Variants in STIM1 observed in about 807,000 individuals in gnomAD.
The protein encoded by STIM1 is stromal interaction molecule 1.
In STIM1, 25 loss-of-function variants were observed where a neutral mutation model predicts 74.7. The observed-to-expected ratio is 0.33, with a 90% CI of 0.24 to 0.47. The LOEUF (loss-of-function observed/expected upper bound fraction) is 0.47. Among genes scored for constraint, STIM1 ranks in the 20% least tolerant of loss-of-function variants. The probability of loss-of-function intolerance (pLI) is 1.00; values close to 1 mark genes in which losing one functional copy is unlikely to be tolerated. For synonymous variants in STIM1, 328 were observed against 348.8 expected (o/e 0.94, Z 0.66); for missense variants, 728 against 920.8 (o/e 0.79, Z 2.71).
At chr11:3,979,724 G>A (rs527339947) in intron 2 of STIM1, among the ~76,000 whole-genome samples, 55 of 152,326 alleles carry the variant, frequency 3.6e-4, no homozygotes, top group African/African-American at 1.3e-3. Flanking sequence ...ACAGGTGAGA[G>A]CCACTGCACC....
intron 5 of STIM1, among the ~76,000 whole-genome samples, chr11:4,065,295 T>A (rs1014717051): frequency 3.3e-5 from 5 of 152,164 alleles, no homozygotes; most frequent in African/African-American, 1.2e-4. Flanking sequence ...GCAGGAGTGG[T>A]TGCTTTTCTG....
chr11:3,898,604 G>A (rs2135421425), intron 1 of STIM1, among the ~76,000 whole-genome samples: 1 of 149,084 alleles, frequency 6.7e-6, no homozygotes, highest in East Asian at 2.0e-4. Context: ...CCTATGTCCT[G>A]AATGGTAATG....
At chr11:3,977,466 A>G (rs936996727) in intron 2 of STIM1, among the ~76,000 whole-genome samples, 2 of 152,238 alleles carry the variant, frequency 1.3e-5, no homozygotes, top group Non-Finnish European at 2.9e-5. Flanking sequence ...TGCCTCTTCC[A>G]GCTGTGGAAA....
chr11:4,083,873 T>C (rs1347241696), intron 10 of STIM1, among the ~76,000 whole-genome samples: 1 of 152,240 alleles, frequency 6.6e-6, no homozygotes. Flanking sequence ...TGATTTTTGT[T>C]CCTTATTCTT....
At position 3,909,821 on chromosome 11, in the gene STIM1, A is replaced by G. The variant is rs1365519749; in HGVS notation, c.139+53412A>G. Among the ~76,000 whole-genome samples, 3 of 151,750 alleles carry G rather than the reference A, an allele frequency of 2.0e-5. 1 individual carries two copies. The highest frequency in any genetic ancestry group is 1.5e-5 in the Non-Finnish European group (1 of 67,954). On this transcript the variant is annotated intron_variant, in intron 1 of 12. Transcript: ENST00000526596. ...AAAAAAAAAAAAGAAAAAAAAAGTC[A>G]TCTTGTGGTATTATATGGTCAATAA...
chr11:3,983,781 C>A (rs1156758176), intron 2 of STIM1, among the ~76,000 whole-genome samples: 1 of 152,190 alleles, frequency 6.6e-6, no homozygotes, highest in Non-Finnish European at 1.5e-5. Context: ...CATAACTTTT[C>A]TTTGCATTCC....
chr11:3,936,170 A>G (rs1479124136), intron 1 of STIM1, among the ~76,000 whole-genome samples: 1 of 152,218 alleles, frequency 6.6e-6, no homozygotes, highest in Non-Finnish European at 1.5e-5. Context: ...AGGAAAACTG[A>G]AAGACAGAGA....
intron 2 of STIM1, among the ~76,000 whole-genome samples, chr11:4,010,698 G>C (rs1249162827): frequency 1.3e-5 from 2 of 151,318 alleles, no homozygotes; most frequent in African/African-American, 4.8e-5. Context: ...CTGTTTCTAT[G>C]GGTTCTGCCT....
At chr11:3,915,024 T>C (rs1167378249) in intron 1 of STIM1, among the ~76,000 whole-genome samples, 1 of 152,186 alleles carries the variant, frequency 6.6e-6, no homozygotes, top group Admixed American at 6.5e-5. Flanking sequence ...ATGATGTTGA[T>C]CATCTTCTCA....
At chr11:3,992,291 A>G (rs558177009) in intron 2 of STIM1, among the ~76,000 whole-genome samples, 1 of 151,436 alleles carries the variant, frequency 6.6e-6, no homozygotes, top group Admixed American at 6.6e-5. Context: ...ATGTGTGCCT[A>G]TAATTCCAGC....
chr11:4,076,791 T>C (rs1249276872), intron 7 of STIM1, among the ~76,000 whole-genome samples: 2 of 150,674 alleles, frequency 1.3e-5, no homozygotes, highest in Admixed American at 6.7e-5. Flanking sequence ...TTTTGGGACA[T>C]GGTTATCTAG....
chr11:4,086,610 T>C, intron 12 of STIM1, 67 bp downstream of exon 12: 1 of 1,602,432 alleles, frequency 6.2e-7, no homozygotes, highest in Non-Finnish European at 8.5e-7. Context: ...TGCGCAGCCT[T>C]TCATCTGGAC....
intron 1 of STIM1, among the ~76,000 whole-genome samples, chr11:3,942,097 G>T (rs2093017858): frequency 6.6e-6 from 1 of 152,188 alleles, no homozygotes; most frequent in Non-Finnish European, 1.5e-5. Flanking sequence ...AAGGCAGGAA[G>T]ATCTCATTAG....
At position 3,908,620 on chromosome 11, in the gene STIM1, A is replaced by AAAAAT. The variant is rs1393622902; in HGVS notation, c.139+52215_139+52216insTAAAA. 1.3e-4 allele frequency among the ~76,000 whole-genome samples: 20 copies of AAAAAT among 151,944 alleles called. 3 individuals are homozygous for AAAAAT. Among genetic ancestry groups the AAAAAT allele is most frequent in the African/African-American group, 4.6e-4 (19 of 41,430 alleles). Reference sequence around the variant, plus strand: ...GAGCGAGACTCCATCTCAAAAAAAAAAAAAGTTATTTGCCAAGATTGCATG... The same window carrying AAAAAT: ...GAGCGAGACTCCATCTCAAAAAAAAAAAAATAAAAGTTATTTGCCAAGATTGCATG... On this transcript the variant is annotated intron_variant, in intron 1 of 12. Transcript: ENST00000526596.
chr11:3,994,181 T>C (rs958059976), intron 2 of STIM1, among the ~76,000 whole-genome samples: 11 of 152,220 alleles, frequency 7.2e-5, no homozygotes, highest in Non-Finnish European at 1.6e-4. Flanking sequence ...GATCATGTTA[T>C]CCCATTGTCT....
chr11:4,082,339 G>T lies in STIM1; in HGVS notation c.1125G>T (p.Val375=), dbSNP rs201975335. ...KKQNAEKQLL[V]AKEGAEKIKK... is the part of the protein sequence containing the mutation. ...AAAATGCTGAGAAGCAGCTGCTGGT[G>T]GCCAAGGAGGGGGTGAGAACAGCCC... Residue 375 remains valine (V), a synonymous_variant, in exon 8 of 13, where the codon GTG becomes GTT. Transcript: ENST00000526596. 1 of 1,611,958 alleles carries T rather than the reference G, an allele frequency of 6.2e-7. No individual in the cohort carries two copies. The highest frequency in any genetic ancestry group is 8.5e-7 in the Non-Finnish European group (1 of 1,179,472).
intron 1 of STIM1, among the ~76,000 whole-genome samples, chr11:3,864,755 T>C (rs1353498083): frequency 6.6e-6 from 1 of 152,226 alleles, no homozygotes. Flanking sequence ...AGGATGCCTC[T>C]GAGATTGCCC....
intron 2 of STIM1, 148 bp from the exon 3 acceptor site, chr11:4,023,725 T>A: frequency 3.0e-6 from 2 of 675,180 alleles, no homozygotes; most frequent in Admixed American, 4.1e-5. Flanking sequence ...GACATGTGCA[T>A]AAGGAAGGAT....
chr11:3,892,375 A>G, intron 1 of STIM1: 1 of 1,363,340 alleles, frequency 7.3e-7, no homozygotes, highest in Non-Finnish European at 1.0e-6. Context: ...GCTAAGATAA[A>G]ACACAAGTCA....
Sources: gnomAD v4.1 joint callset for allele counts (sites outside exome capture counted in the v4.1 genomes callset) on GRCh38, gnomAD v4.1.1 for gene constraint, MANE v1.5 for transcripts, NCBI Gene and HGNC (gene_info 2026-07-23, HGNC 2026-07-21) for gene names.